The following FYB1 variants were observed in gnomAD, a reference collection of about 807,000 sequenced individuals.
FYB1 encodes FYN-binding protein 1.
In FYB1, 41 loss-of-function variants were observed where a neutral mutation model predicts 94.1. The observed-to-expected ratio is 0.44, with a 90% CI of 0.34 to 0.57. The LOEUF (loss-of-function observed/expected upper bound fraction) is 0.57. FYB1 is among the 20% of genes least tolerant of loss of function. The probability of loss-of-function intolerance (pLI) is 0.02; values close to 1 mark genes in which losing one functional copy is unlikely to be tolerated. For synonymous variants in FYB1, 367 were observed against 353.2 expected, an observed-to-expected ratio of 1.04 and a Z score of -0.44; for missense variants, 1,050 against 976.8, an observed-to-expected ratio of 1.07 and a Z score of -1.00.
chr5:39,153,495 T>C lies in FYB1; in HGVS notation c.1245A>G (p.Pro415=), dbSNP rs757323497. Residue 415 remains proline, a synonymous_variant, in exon 3 of 19, where the codon CCA becomes CCG. Coordinates refer to ENST00000512982, the MANE Select transcript of FYB1 (RefSeq NM_001465.6). ...PLPASHPSQP[P]VPSLPPRNIK... ...TGTTTCTGGGAGGTAGGCTTGGGAC[T>C]GGTGGTTGTGATGGGTGAGATGCTG... 6.2e-7 allele frequency: 1 copy of C among 1,613,926 alleles called. No individual in the cohort carries two copies. Among genetic ancestry groups the C allele is most frequent in the Admixed American group, 1.7e-5 (1 of 60,002 alleles).
At chr5:39,250,838 GA>G (rs1751684269) in intron 1 of FYB1, 1 of 152,128 alleles carries the variant, frequency 6.6e-6, no homozygotes, top group Admixed American at 6.5e-5. Flanking sequence ...CTGATTTCAG[GA>G]TAAGGAAAAA....
chr5:39,124,460 G>T, intron 12 of FYB1, 182 bp from the exon 13 acceptor site: 1 of 490,846 alleles, frequency 2.0e-6, no homozygotes, highest in Non-Finnish European at 3.6e-6. Context: ...TTATCAATTT[G>T]GAACTTAGCA....
chr5:39,224,008 A>G (rs1750372559), upstream of FYB1, among the ~76,000 whole-genome samples: 1 of 152,168 alleles, frequency 6.6e-6, no homozygotes, highest in Non-Finnish European at 1.5e-5. Context: ...GTTCATGCCT[A>G]TCACTTGTCA....
chr5:39,150,237 G>T (rs547361899), intron 3 of FYB1, among the ~76,000 whole-genome samples: 1 of 152,072 alleles, frequency 6.6e-6, no homozygotes, highest in Non-Finnish European at 1.5e-5. Flanking sequence ...CTAGCTGCCT[G>T]AAGAGGCCAG....
intron 1 of FYB1, among the ~76,000 whole-genome samples, chr5:39,240,894 A>G (rs1751175354): frequency 6.6e-6 from 1 of 152,224 alleles, no homozygotes; most frequent in African/African-American, 2.4e-5. Context: ...AGCAATATTC[A>G]CAATAGCAAA....
At chr5:39,134,703 G>T (rs1741505280) in intron 8 of FYB1, among the ~76,000 whole-genome samples, 152 bp downstream of exon 8, 2 of 152,144 alleles carry the variant, frequency 1.3e-5, no homozygotes, top group Admixed American at 1.3e-4. Flanking sequence ...GGTGAAGACG[G>T]AACTATACCT....
At chr5:39,232,284 G>A (rs1371568905) in intron 1 of FYB1, among the ~76,000 whole-genome samples, 1 of 152,018 alleles carries the variant, frequency 6.6e-6, no homozygotes, top group African/African-American at 2.4e-5. Flanking sequence ...GGCATCAGTA[G>A]CCCATATTAC....
At chr5:39,131,401 T>A (rs542084230) in intron 9 of FYB1, among the ~76,000 whole-genome samples, 2 of 152,288 alleles carry the variant, frequency 1.3e-5, no homozygotes, top group South Asian at 2.1e-4. Flanking sequence ...TACACCTAGC[T>A]GCACTCACTA....
At chr5:39,158,857 G>A (rs1372637708) in intron 2 of FYB1, among the ~76,000 whole-genome samples, 1 of 152,062 alleles carries the variant, frequency 6.6e-6, no homozygotes, top group Non-Finnish European at 1.5e-5. Context: ...CCTGACCCTA[G>A]ACTTGGCATT....
intron 14 of FYB1, 77 bp downstream of exon 14, chr5:39,122,259 T>A (rs1424574612): frequency 5.3e-6 from 5 of 935,056 alleles, no homozygotes; most frequent in Non-Finnish European, 8.5e-6. Context: ...CACATCCCAC[T>A]GGGTTTTTAT....
rs555677153 is a variant in FYB1, at chr5:39,225,811, G to A, written c.-27-22824C>T. Among the ~76,000 whole-genome samples, 135 of 152,312 alleles carry A rather than the reference G, an allele frequency of 8.9e-4. 1 individual carries two copies. The highest frequency in any genetic ancestry group is 3.4e-3 in the Middle Eastern group (1 of 294). On this transcript the variant is annotated intron_variant, in intron 1 of 1. Coordinates refer to the FYB1 transcript ENST00000510188. ...CAACTGATAAAAAAGAGTGGAGAGA[G>A]AAAATCATTGCACTAGAAGTAGGCA...
Position 39,137,863 on chromosome 5 carries a change from C to T in FYB1, c.1395-143G>A, listed in dbSNP as rs943201020. 114 of 1,049,516 alleles carry T rather than the reference C, an allele frequency of 1.1e-4. No individual in the cohort carries two copies. In the Middle Eastern group the frequency reaches 2.3e-3, roughly 21 times the overall value. 65.0% of individuals were successfully genotyped at this position (1,049,516 alleles called of 1,614,324 possible). Reference sequence around the variant, plus strand: ...TAAAAAGCGAAAGGTTGTCAAAATCCGGAATGTGTGAGATTATTTTTAAAA... The same window carrying T: ...TAAAAAGCGAAAGGTTGTCAAAATCTGGAATGTGTGAGATTATTTTTAAAA... On this transcript the variant is annotated intron_variant, in intron 6 of 18. Transcript: ENST00000512982.
In FYB1 at chr5:39,219,452, G is replaced by T; in HGVS notation, c.-37C>A. 5.1e-6 allele frequency: 5 copies of T among 985,518 alleles called. No homozygotes were observed. The highest frequency in any genetic ancestry group is 6.0e-6 in the Non-Finnish European group (5 of 829,946). The allele number at this position is 985,518 out of a possible 1,614,324, so 61.0% of individuals were successfully genotyped here. Reference sequence around the variant, plus strand: ...TAGGCATAGCTGTTACCTGACTCCTGCAGAAGAAGGCGGAAGGATGGCCTC... The same window carrying T: ...TAGGCATAGCTGTTACCTGACTCCTTCAGAAGAAGGCGGAAGGATGGCCTC... On this transcript the variant is annotated 5_prime_UTR_variant, in exon 1 of 19. Transcript: ENST00000512982.
At chr5:39,262,768 A>G (rs374455334) in intron 1 of FYB1, among the ~76,000 whole-genome samples, 1 of 152,342 alleles carries the variant, frequency 6.6e-6, no homozygotes, top group East Asian at 1.9e-4. Flanking sequence ...CTTGAAAAAA[A>G]CCCAATGTAG....
At chr5:39,205,202 A>G (rs1041107636) in intron 1 of FYB1, among the ~76,000 whole-genome samples, 2 of 152,210 alleles carry the variant, frequency 1.3e-5, no homozygotes, top group African/African-American at 4.8e-5. Flanking sequence ...CATATCATAT[A>G]ATGTATATCC....
At chr5:39,143,171 C>T (rs571448354) in intron 3 of FYB1, among the ~76,000 whole-genome samples, 2 of 152,232 alleles carry the variant, frequency 1.3e-5, no homozygotes, top group African/African-American at 4.8e-5. Context: ...CAAATATATA[C>T]ATCTTGGGTG....
At chr5:39,159,010 G>T (rs1308826071) in intron 2 of FYB1, among the ~76,000 whole-genome samples, 1 of 152,116 alleles carries the variant, frequency 6.6e-6, no homozygotes, top group African/African-American at 2.4e-5. Flanking sequence ...TGTCAAATGG[G>T]AGTAATCGAG....
At chr5:39,229,678 T>C (rs183678470) in intron 1 of FYB1, among the ~76,000 whole-genome samples, 2 of 152,318 alleles carry the variant, frequency 1.3e-5, no homozygotes, top group Admixed American at 1.3e-4. Flanking sequence ...TTGTCTAGTT[T>C]AATCCTCATA....
chr5:39,167,852 G>A (rs939013165), intron 2 of FYB1, among the ~76,000 whole-genome samples: 4 of 152,180 alleles, frequency 2.6e-5, no homozygotes, highest in Admixed American at 6.5e-5. Context: ...GTCACTGGAC[G>A]TTTGTAATCA....
Sources: gnomAD v4.1 joint callset for allele counts (sites outside exome capture counted in the v4.1 genomes callset) on GRCh38, gnomAD v4.1.1 for gene constraint, MANE v1.5 for transcripts, NCBI Gene and HGNC (gene_info 2026-07-23, HGNC 2026-07-21) for gene names.